PIP5K1C: variants seen among roughly 807,000 people sequenced by gnomAD.
PIP5K1C encodes phosphatidylinositol-4-phosphate 5-kinase type 1 gamma.
In PIP5K1C, 45 loss-of-function variants were observed where a neutral mutation model predicts 80.1. The observed-to-expected ratio is 0.56, with a 90% CI of 0.44 to 0.72. The LOEUF is 0.72. PIP5K1C is among the 30% of genes least tolerant of loss of function. The pLI is 0.00. For synonymous variants in PIP5K1C, 498 were observed against 420.1 expected, an observed-to-expected ratio of 1.19 and a Z score of -2.27; for missense variants, 753 against 954.6, an observed-to-expected ratio of 0.79 and a Z score of 2.78.
chr19:3,681,392 T>C (rs2035584545), intron 1 of PIP5K1C, among the ~76,000 whole-genome samples: 3 of 152,018 alleles, frequency 2.0e-5, no homozygotes, highest in Non-Finnish European at 2.9e-5. Context: ...CACTACCACC[T>C]GGCTAATTTT....
chr19:3,687,776 C>T (rs909386638), intron 1 of PIP5K1C, among the ~76,000 whole-genome samples: 3 of 151,962 alleles, frequency 2.0e-5, no homozygotes, highest in Non-Finnish European at 4.4e-5. Flanking sequence ...TGCCCCTTCT[C>T]CCTTCTCCCT....
intron 13 of PIP5K1C, 111 bp downstream of exon 13, chr19:3,643,132 T>TA (rs2034045354): frequency 1.3e-6 from 2 of 1,552,526 alleles, no homozygotes; most frequent in African/African-American, 1.4e-5. Context: ...CCACCGTACA[T>TA]ACGATGCTCC....
intron 1 of PIP5K1C, among the ~76,000 whole-genome samples, chr19:3,682,897 C>T (rs1600076305): frequency 6.6e-6 from 1 of 151,888 alleles, no homozygotes; most frequent in South Asian, 2.1e-4. Context: ...CCTCAATGAA[C>T]GTTTGCTGGA....
At chr19:3,634,106 G>A (rs1012370128) in intron 16 of PIP5K1C, among the ~76,000 whole-genome samples, 22 of 152,122 alleles carry the variant, frequency 1.4e-4, no homozygotes, top group East Asian at 5.8e-4. Flanking sequence ...GCCAGGAGAC[G>A]CCTTCCTGAG....
intron 1 of PIP5K1C, among the ~76,000 whole-genome samples, chr19:3,683,906 T>C (rs530597304): frequency 3.3e-4 from 35 of 105,628 alleles, no homozygotes; most frequent in African/African-American, 1.2e-3. Context: ...AGCCCCTGCT[T>C]CCCCTCCCGG....
In PIP5K1C at chr19:3,687,498, CGCACACATGCACATACAT is replaced by C. The variant is rs753259509; in HGVS notation, c.94+12781_94+12798del. On this transcript the variant is annotated intron_variant, in intron 1 of 17. Coordinates refer to ENST00000335312, the MANE Select transcript of PIP5K1C (RefSeq NM_012398.3). Reference sequence around the variant, plus strand: ...GGAAGGGGACACAGACGCACATACACGCACACATGCACATACATGCACACATGCACACGCACACACATA... The same window carrying C: ...GGAAGGGGACACAGACGCACATACACGCACACATGCACACGCACACACATA... 3.4e-3 allele frequency among the ~76,000 whole-genome samples: 512 copies of C among 152,012 alleles called. 6 individuals carry two copies. Among genetic ancestry groups the C allele is most frequent in the African/African-American group, 0.011 (473 of 41,358 alleles).
intron 1 of PIP5K1C, among the ~76,000 whole-genome samples, chr19:3,687,439 G>A (rs1006741613): frequency 6.6e-6 from 1 of 152,182 alleles, no homozygotes; most frequent in Non-Finnish European, 1.5e-5. Context: ...AGGAAGAAAG[G>A]ACCCACAGGT....
At position 3,641,780 on chromosome 19, in the gene PIP5K1C, T is replaced by A. The variant is rs757992994; in HGVS notation, c.1712A>T (p.Asp571Val). 6.2e-7 allele frequency: 1 copy of A among 1,612,180 alleles called. No individual in the cohort carries two copies. The highest frequency in any genetic ancestry group is 1.7e-5 in the Admixed American group (1 of 60,020). Residue 571 changes from aspartate to valine, a missense_variant, in exon 15 of 18, where the codon GAT (aspartate) becomes GTT (valine). By Grantham distance (152) the Asp-to-Val change is radical. Around this residue, in one of 6 missense-constraint regions of PIP5K1C, gnomAD observed 315 missense variants for 294.5 expected, o/e 1.07. Coordinates refer to ENST00000335312, the MANE Select transcript of PIP5K1C (RefSeq NM_012398.3). The part of the protein sequence containing the change: ...RPQEEPPAEE[D>V]LQQITVQVEP... ...CACCTGCACTGTAATCTGCTGCAGA[T>A]CCTCTTCCGCGGGTGGCTCCTCCTG...
Position 3,630,241 on chromosome 19 carries a change from G to C in PIP5K1C, c.*2926C>G, listed in dbSNP as rs2033433786. ...AAAAGACGGGGTGTGGCGGGGGTAGGTGGGCGAGGAACCTGGGATGCAAAC... is the reference window on the plus strand; with the variant it reads ...AAAAGACGGGGTGTGGCGGGGGTAGCTGGGCGAGGAACCTGGGATGCAAAC... On this transcript the variant is annotated 3_prime_UTR_variant, in exon 18 of 18. Transcript: ENST00000335312. 6.6e-6 allele frequency: 1 copy of C among 152,336 alleles called. No individual in the cohort carries two copies. The highest frequency in any genetic ancestry group is 2.4e-5 in the African/African-American group (1 of 41,430). 9.4% of individuals were successfully genotyped at this position (152,336 alleles called of 1,614,324 possible). A position where few individuals can be genotyped will look rare whatever the true frequency, so the allele number is the denominator to read the frequency against.
intron 10 of PIP5K1C, 47 bp downstream of exon 10, chr19:3,647,291 A>AGGAGGAGGGATG (rs778754253): frequency 2.2e-6 from 3 of 1,338,744 alleles, no homozygotes; most frequent in African/African-American, 3.6e-5. Context: ...CACTCACAGG[A>AGGAGGAGGGATG]GGAGGAGGGA....
At chr19:3,649,048 T>G (rs7408163) in intron 8 of PIP5K1C, among the ~76,000 whole-genome samples, 13,152 of 127,754 alleles carry the variant, frequency 0.1, 1,212 homozygotes, top group African/African-American at 0.22. Context: ...GGGGAGTTAA[T>G]TGTCACCCGG....
intron 17 of PIP5K1C, 75 bp from the exon 18 acceptor site, chr19:3,633,244 C>T (rs1034164944): frequency 2.8e-5 from 20 of 717,588 alleles, no homozygotes; most frequent in Non-Finnish European, 5.2e-5. Context: ...GGACTGGCTT[C>T]CTTGGGCCAA....
intron 10 of PIP5K1C, among the ~76,000 whole-genome samples, chr19:3,646,752 G>T (rs538878877): frequency 6.6e-6 from 1 of 152,166 alleles, no homozygotes; most frequent in Non-Finnish European, 1.5e-5. Context: ...CCTTCTACAC[G>T]CTCTTTTGAA....
chr19:3,662,959 T>A (rs956291407), intron 3 of PIP5K1C, among the ~76,000 whole-genome samples: 21 of 152,154 alleles, frequency 1.4e-4, no homozygotes, highest in African/African-American at 4.8e-4. Context: ...CCTCCTGGGT[T>A]CAAGCTATTC....
intron 12 of PIP5K1C, among the ~76,000 whole-genome samples, 166 bp downstream of exon 12, chr19:3,643,920 TC>T (rs1228661129): frequency 1.3e-5 from 2 of 152,100 alleles, no homozygotes. Flanking sequence ...CCTGGGCTCT[TC>T]CCTGGGGCGG....
At position 3,638,099 on chromosome 19, in the gene PIP5K1C, C is replaced by T. The variant is rs1232180734; in HGVS notation, c.1920+785G>A. 5.0e-6 allele frequency: 7 copies of T among 1,408,782 alleles called. No individual in the cohort carries two copies. In the East Asian group the frequency reaches 1.5e-4, roughly 30 times the overall value. The allele number at this position is 1,408,782 out of a possible 1,614,324, so 87.3% of individuals were successfully genotyped here. ...CTGGTGCCCGTGCCCAGCCCTCCTT[C>T]CCAGGGGGTGCAGGGTGAGAACAAA... On this transcript the variant is annotated intron_variant, in intron 16 of 17. Transcript: ENST00000335312.
intron 1 of PIP5K1C, among the ~76,000 whole-genome samples, chr19:3,671,582 G>A (rs1320462714): frequency 6.6e-6 from 1 of 152,236 alleles, no homozygotes; most frequent in Admixed American, 6.5e-5. Flanking sequence ...CTGAGGTGGA[G>A]GTGGAGCAGG....
intron 15 of PIP5K1C, among the ~76,000 whole-genome samples, 166 bp downstream of exon 15, chr19:3,641,539 G>A (rs1220298840): frequency 6.6e-6 from 1 of 152,196 alleles, no homozygotes; most frequent in Non-Finnish European, 1.5e-5. Flanking sequence ...CCGGCTAGTC[G>A]AGAACCACTC....
intron 1 of PIP5K1C, among the ~76,000 whole-genome samples, chr19:3,680,705 T>C (rs761716609): frequency 2.0e-5 from 3 of 152,246 alleles, no homozygotes; most frequent in Admixed American, 6.5e-5. Flanking sequence ...AAAACATCTT[T>C]TCTGTTTATC....
Sources: allele counts gnomAD v4.1 joint callset (sites outside exome capture counted in the v4.1 genomes callset), GRCh38; gene constraint gnomAD v4.1.1; regional missense constraint gnomAD v4.1.1; transcripts MANE v1.5; gene names NCBI Gene and HGNC (gene_info 2026-07-23, HGNC 2026-07-21).